GABRG2: variants seen among roughly 807,000 people sequenced by gnomAD.
GABRG2 encodes gamma-aminobutyric acid type A receptor subunit gamma2, also known as gamma-aminobutyric acid receptor subunit gamma-2.
In GABRG2, 16 loss-of-function variants were observed where a neutral mutation model predicts 56.4. That is an observed-to-expected ratio of 0.28 (90% CI 0.19 to 0.43). GABRG2 has a LOEUF of 0.43. GABRG2 is among the 20% of genes least tolerant of loss of function. GABRG2 has a pLI of 1.00. For synonymous variants in GABRG2, 208 were observed against 205.5 expected, an observed-to-expected ratio of 1.01 and a Z score of -0.10; for missense variants, 327 against 582.7, an observed-to-expected ratio of 0.56 and a Z score of 4.52.
intron 1 of GABRG2, among the ~76,000 whole-genome samples, chr5:162,079,769 A>G (rs927907548): frequency 4.0e-5 from 6 of 151,806 alleles, no homozygotes; most frequent in South Asian, 2.1e-4. Flanking sequence ...CTCAAACATT[A>G]TTTATTTTTA....
At chr5:162,120,932 T>C (rs1762940578) in intron 6 of GABRG2, among the ~76,000 whole-genome samples, 1 of 152,180 alleles carries the variant, frequency 6.6e-6, no homozygotes, top group Non-Finnish European at 1.5e-5. Flanking sequence ...TCATTATTTG[T>C]TTAGTATTTG....
At chr5:162,144,535 A>G (rs1393996080) in intron 7 of GABRG2, among the ~76,000 whole-genome samples, 1 of 152,216 alleles carries the variant, frequency 6.6e-6, no homozygotes, top group Non-Finnish European at 1.5e-5. Flanking sequence ...GTAAGTCAGG[A>G]ATGCTCAATA....
At chr5:162,135,576 A>C (rs1324052119) in intron 6 of GABRG2, among the ~76,000 whole-genome samples, 2 of 152,230 alleles carry the variant, frequency 1.3e-5, no homozygotes, top group African/African-American at 2.4e-5. Context: ...CTAGAGTATA[A>C]TCCAGTATTC....
In GABRG2 at chr5:162,132,899, T is replaced by C. The variant is rs143230181; in HGVS notation, c.770-9265T>C. On this transcript the variant is annotated intron_variant, in intron 6 of 9. Coordinates refer to ENST00000639213, the MANE Select transcript of GABRG2 (RefSeq NM_198904.4). ...CAAACATTAAGTACATATAAAAGAA[T>C]ATTTTGTTACCTTCTGACAAAACCT... 2.1e-3 allele frequency among the ~76,000 whole-genome samples: 316 copies of C among 152,184 alleles called. 2 individuals carry two copies. Among genetic ancestry groups the C allele is most frequent in the African/African-American group, 7.1e-3 (294 of 41,570 alleles).
intron 1 of GABRG2, among the ~76,000 whole-genome samples, chr5:162,068,614 T>TCAGC (rs1198624149): frequency 6.6e-6 from 1 of 152,044 alleles, no homozygotes; most frequent in African/African-American, 2.4e-5. Flanking sequence ...TTAAGGTCAG[T>TCAGC]CAGCCAGGTT....
chr5:162,140,121 A>C (rs1276089105), intron 6 of GABRG2, among the ~76,000 whole-genome samples: 1 of 152,190 alleles, frequency 6.6e-6, no homozygotes, highest in Non-Finnish European at 1.5e-5. Flanking sequence ...ATGCTGTGGG[A>C]ATTAGATAAA....
intron 1 of GABRG2, among the ~76,000 whole-genome samples, chr5:162,069,545 A>G (rs1404248762): frequency 1.3e-5 from 2 of 152,160 alleles, no homozygotes; most frequent in East Asian, 3.9e-4. Flanking sequence ...ATTTATGATA[A>G]AGAGACCCAG....
At chr5:162,113,032 A>T (rs1309027590) in intron 6 of GABRG2, among the ~76,000 whole-genome samples, 1 of 151,574 alleles carries the variant, frequency 6.6e-6, no homozygotes, top group Admixed American at 6.6e-5. Context: ...GACTCATGCA[A>T]CCTCCACCTC....
chr5:162,136,717 T>TA (rs1279085238), intron 6 of GABRG2, among the ~76,000 whole-genome samples: 1 of 152,216 alleles, frequency 6.6e-6, no homozygotes, highest in African/African-American at 2.4e-5. Flanking sequence ...ATGCCAGGTT[T>TA]AGAAGCCTGG....
intron 6 of GABRG2, among the ~76,000 whole-genome samples, chr5:162,116,048 T>C (rs1230632970): frequency 6.6e-6 from 1 of 151,712 alleles, no homozygotes; most frequent in East Asian, 1.9e-4. Context: ...GAATAGACAC[T>C]CATCTTTCCT....
At chr5:162,139,562 A>G (rs924051720) in intron 6 of GABRG2, among the ~76,000 whole-genome samples, 2 of 152,224 alleles carry the variant, frequency 1.3e-5, no homozygotes, top group East Asian at 1.9e-4. Flanking sequence ...TAAGTGGACC[A>G]TGGAAGTTTA....
upstream of GABRG2, chr5:162,067,476 G>T: frequency 2.4e-6 from 1 of 418,084 alleles, no homozygotes; most frequent in South Asian, 9.7e-5. Flanking sequence ...CTTCCACTTT[G>T]ACCTCATAGT....
At chr5:162,077,617 C>A (rs1259630879) in intron 1 of GABRG2, among the ~76,000 whole-genome samples, 2 of 152,110 alleles carry the variant, frequency 1.3e-5, no homozygotes, top group Non-Finnish European at 2.9e-5. Context: ...TCTGTCTTTG[C>A]ATTAGTTATC....
intron 6 of GABRG2, among the ~76,000 whole-genome samples, chr5:162,129,943 C>A (rs570580514): frequency 7.2e-5 from 11 of 151,820 alleles, no homozygotes; most frequent in Middle Eastern, 3.4e-3. Context: ...GAGAAGAGAT[C>A]GGATTCACCC....
intron 6 of GABRG2, among the ~76,000 whole-genome samples, chr5:162,131,769 C>T (rs1011464160): frequency 6.6e-6 from 1 of 151,956 alleles, no homozygotes; most frequent in African/African-American, 2.4e-5. Flanking sequence ...AAATGTCCCC[C>T]AGTGTTCGTA....
chr5:162,106,669 C>T (rs975010657), intron 6 of GABRG2, among the ~76,000 whole-genome samples: 19 of 152,068 alleles, frequency 1.2e-4, no homozygotes, highest in Non-Finnish European at 2.4e-4. Flanking sequence ...CTTTAAGATG[C>T]CTCTTTTGTA....
chr5:162,136,078 C>T (rs1171234450), intron 6 of GABRG2, among the ~76,000 whole-genome samples: 2 of 152,176 alleles, frequency 1.3e-5, no homozygotes, highest in South Asian at 4.2e-4. Flanking sequence ...GAATTTTCCC[C>T]TTGGAAAAGC....
intron 6 of GABRG2, among the ~76,000 whole-genome samples, chr5:162,134,713 G>A (rs1427080482): frequency 6.6e-6 from 1 of 152,062 alleles, no homozygotes; most frequent in African/African-American, 2.4e-5. Context: ...AGATGCTTAG[G>A]GGTTGGCTGC....
At chr5:162,070,945 T>C (rs1758622880) in intron 1 of GABRG2, among the ~76,000 whole-genome samples, 1 of 151,944 alleles carries the variant, frequency 6.6e-6, no homozygotes, top group African/African-American at 2.4e-5. Flanking sequence ...TCATATTTAA[T>C]ATTTAAAGGT....
Sources: gnomAD v4.1 joint callset for allele counts (sites outside exome capture counted in the v4.1 genomes callset) on GRCh38, gnomAD v4.1.1 for gene constraint, MANE v1.5 for transcripts, NCBI Gene and HGNC (gene_info 2026-07-23, HGNC 2026-07-21) for gene names.